Variants in STK39 observed in about 807,000 individuals in gnomAD.
STK39 encodes STE20/SPS1-related proline-alanine-rich protein kinase.
STK39 carries 20 observed loss-of-function variants against 77.8 expected under a neutral mutation model. The observed-to-expected ratio is 0.26, with a 90% CI of 0.18 to 0.37. The LOEUF is 0.37. Among genes scored for constraint, STK39 ranks in the 10% least tolerant of loss-of-function variants. The pLI is 1.00. For synonymous variants in STK39, 246 were observed against 234.1 expected, an observed-to-expected ratio of 1.05 and a Z score of -0.47; for missense variants, 479 against 656.5, an observed-to-expected ratio of 0.73 and a Z score of 2.95.
chr2:167,964,436 G>T, intron 17 of STK39: 1 of 474,248 alleles, frequency 2.1e-6, no homozygotes, highest in Non-Finnish European at 3.7e-6. Context: ...TTAGTCAAAG[G>T]TGTGACGATA....
chr2:167,970,678 G>T (rs1692311018), intron 16 of STK39, among the ~76,000 whole-genome samples: 1 of 152,206 alleles, frequency 6.6e-6, no homozygotes. Flanking sequence ...CCTTGTGGAT[G>T]AACTGCAACC....
chr2:168,030,306 A>G (rs1684805494), intron 14 of STK39, among the ~76,000 whole-genome samples: 1 of 152,202 alleles, frequency 6.6e-6, no homozygotes, highest in Non-Finnish European at 1.5e-5. Flanking sequence ...TTTTTTGCTT[A>G]AAAGTTTTAA....
At chr2:168,239,964 T>C (rs1690717928) in intron 1 of STK39, among the ~76,000 whole-genome samples, 1 of 152,246 alleles carries the variant, frequency 6.6e-6, no homozygotes, top group Admixed American at 6.5e-5. Flanking sequence ...ACATGGTGTG[T>C]TCAATTCATG....
rs528419002 is a variant in STK39 at position 168,226,847 on chromosome 2, C to G, written c.208+20381G>C. Among the ~76,000 whole-genome samples the G allele has an allele frequency of 1.8e-4, 27 of 152,290 alleles. No individual in the cohort carries two copies. In the South Asian group the frequency reaches 2.5e-3, roughly 14 times the overall value. On this transcript the variant is annotated intron_variant, in intron 1 of 17. Transcript: ENST00000355999. ...CCACTGGCCCTGGCCATCTGAAATT[C>G]TGGATATCTATCCCACAGAAATAAT...
At chr2:168,206,589 C>G (rs1689749839) in intron 1 of STK39, among the ~76,000 whole-genome samples, 1 of 152,166 alleles carries the variant, frequency 6.6e-6, no homozygotes, top group African/African-American at 2.4e-5. Context: ...GCATGAGCCA[C>G]CACGCCCGGC....
At chr2:168,154,912 G>A (rs6754648) in intron 5 of STK39, among the ~76,000 whole-genome samples, 35,139 of 151,952 alleles carry the variant, frequency 0.23, 5,948 homozygotes, top group African/African-American at 0.46. Flanking sequence ...AAAAATAAAC[G>A]AAAAAATAAG....
intron 1 of STK39, among the ~76,000 whole-genome samples, chr2:168,240,594 G>A (rs1004498434): frequency 1.3e-5 from 2 of 152,252 alleles, no homozygotes; most frequent in Admixed American, 6.5e-5. Context: ...AGGATGGCCA[G>A]CAGGTTTTGC....
At chr2:168,062,173 C>A (rs1174243014) in intron 14 of STK39, among the ~76,000 whole-genome samples, 1 of 152,192 alleles carries the variant, frequency 6.6e-6, no homozygotes, top group Admixed American at 6.5e-5. Flanking sequence ...ACTGCATGCT[C>A]AGTGGGCTAG....
chr2:168,120,440 T>C (rs1286798373), intron 10 of STK39, among the ~76,000 whole-genome samples: 3 of 152,220 alleles, frequency 2.0e-5, no homozygotes, highest in Non-Finnish European at 4.4e-5. Flanking sequence ...CTTGTGACGT[T>C]TGTGCGTTCT....
intron 1 of STK39, among the ~76,000 whole-genome samples, chr2:168,228,333 C>CT (rs143434047): frequency 4.6e-4 from 69 of 150,312 alleles, no homozygotes; most frequent in Admixed American, 7.3e-4. Context: ...TCAATTTACA[C>CT]TTTTTTTTTT....
intron 10 of STK39, among the ~76,000 whole-genome samples, chr2:168,112,437 A>G (rs1687144121): frequency 6.6e-6 from 1 of 151,930 alleles, no homozygotes; most frequent in Admixed American, 6.6e-5. Context: ...AGTTCTCACA[A>G]TATCTAGTTG....
intron 10 of STK39, among the ~76,000 whole-genome samples, chr2:168,115,402 T>TA (rs1237060129): frequency 2.0e-5 from 3 of 152,222 alleles, no homozygotes; most frequent in Non-Finnish European, 4.4e-5. Flanking sequence ...TGTAAGGTGA[T>TA]ATGTGTCAAT....
chr2:168,019,748 G>C (rs898823967), intron 14 of STK39, among the ~76,000 whole-genome samples: 9 of 152,016 alleles, frequency 5.9e-5, no homozygotes, highest in Admixed American at 1.3e-4. Flanking sequence ...CTGTCTCCCA[G>C]GCTGGAATGC....
intron 13 of STK39, among the ~76,000 whole-genome samples, chr2:168,064,088 T>A (rs1685733634): frequency 6.6e-6 from 1 of 152,080 alleles, no homozygotes; most frequent in South Asian, 2.1e-4. Context: ...GGGACATGAG[T>A]AGACCTTATT....
At chr2:168,033,299 G>C (rs1684873208) in intron 14 of STK39, among the ~76,000 whole-genome samples, 1 of 152,096 alleles carries the variant, frequency 6.6e-6, no homozygotes, top group Non-Finnish European at 1.5e-5. Context: ...GTGCTTTGCA[G>C]GTCAGAGCTA....
chr2:168,026,505 T>C (rs960244517), intron 14 of STK39, among the ~76,000 whole-genome samples: 2 of 152,182 alleles, frequency 1.3e-5, no homozygotes, highest in Non-Finnish European at 2.9e-5. Context: ...CATAAATCAT[T>C]ATTGATCACC....
intron 10 of STK39, among the ~76,000 whole-genome samples, chr2:168,117,106 C>A (rs1212118965): frequency 6.6e-6 from 1 of 152,146 alleles, no homozygotes; most frequent in African/African-American, 2.4e-5. Context: ...TAATATCTAA[C>A]CATTCCATTC....
intron 1 of STK39, among the ~76,000 whole-genome samples, chr2:168,186,578 C>T (rs1421913738): frequency 6.6e-6 from 1 of 152,206 alleles, no homozygotes; most frequent in African/African-American, 2.4e-5. Flanking sequence ...TCTATCCAAA[C>T]GTGGTATTGA....
At chr2:167,987,488 A>AAT (rs142303168) in intron 16 of STK39, among the ~76,000 whole-genome samples, 7,756 of 151,888 alleles carry the variant, frequency 0.051, 712 homozygotes, top group African/African-American at 0.17. Flanking sequence ...CTGGGACAAA[A>AAT]ATATATATAT....
Sources: allele counts gnomAD v4.1 joint callset (sites outside exome capture counted in the v4.1 genomes callset), GRCh38; gene constraint gnomAD v4.1.1; transcripts MANE v1.5; gene names NCBI Gene and HGNC (gene_info 2026-07-23, HGNC 2026-07-21).